Variants in DIAPH2 observed in about 807,000 individuals in gnomAD.
The protein encoded by DIAPH2 is protein diaphanous homolog 2.
In DIAPH2, 35 loss-of-function variants were observed where a neutral mutation model predicts 92.7. The ratio of observed to expected loss-of-function variants is 0.38; its 90% confidence interval spans 0.29 to 0.50. The LOEUF (loss-of-function observed/expected upper bound fraction) is 0.50, where lower values mean the gene tolerates loss of function less well. Among genes scored for constraint, DIAPH2 ranks in the 20% least tolerant of loss-of-function variants. The pLI is 0.94. For missense variants in DIAPH2, 701 were observed against 819.5 expected, an observed-to-expected ratio of 0.86 and a Z score of 1.77; for synonymous variants, 301 against 280.4, an observed-to-expected ratio of 1.07 and a Z score of -0.73.
At chrX:97,014,450 A>G (rs1459318878) in intron 17 of DIAPH2, among the ~76,000 whole-genome samples, 1 of 111,562 alleles carries the variant, frequency 9.0e-6, no homozygotes, top group Non-Finnish European at 1.9e-5. Flanking sequence ...CTTTGCCTCT[A>G]TTTCTCCTCA....
chrX:97,454,350 C>T (rs1487677211), intron 26 of DIAPH2, among the ~76,000 whole-genome samples: 1 of 110,464 alleles, frequency 9.1e-6, no homozygotes, highest in African/African-American at 3.3e-5. Context: ...AAACAAAAAG[C>T]AGAATACAGA....
intron 26 of DIAPH2, among the ~76,000 whole-genome samples, chrX:97,591,684 A>T: frequency 8.9e-6 from 1 of 112,202 alleles, no homozygotes; most frequent in Non-Finnish European, 1.9e-5. Flanking sequence ...TCACATATAT[A>T]ACTTCCTTGG....
chrX:96,965,099 C>A lies in DIAPH2; in HGVS notation c.1942C>A (p.Pro648Thr), dbSNP rs758656989. ...MKRINWSKIE[P>T]TELSENCFWL... ...TTTGTTATTTTTGTTTCAGATTGAA[C>A]CCACAGAATTATCTGAGAACTGTTT... Residue 648 changes from proline to threonine, a missense_variant, in exon 17 of 27, where the codon CCC (proline) becomes ACC (threonine). Pro to Thr is a conservative substitution (Grantham distance 38). This residue lies in a region of DIAPH2 where 536 missense variants were observed against 599.3 expected (regional missense o/e 0.89). Transcript: ENST00000324765. 10 of 1,191,701 alleles carry A rather than the reference C, an allele frequency of 8.4e-6. No homozygotes were observed. The highest frequency in any genetic ancestry group is 1.1e-5 in the Non-Finnish European group (10 of 885,076).
At chrX:97,592,088 A>G (rs751776872) in intron 26 of DIAPH2, among the ~76,000 whole-genome samples, 8 of 112,472 alleles carry the variant, frequency 7.1e-5, no homozygotes, top group Non-Finnish European at 1.1e-4. Flanking sequence ...TGTTATAAAA[A>G]TATCATGTTT....
intron 4 of DIAPH2, among the ~76,000 whole-genome samples, chrX:96,770,612 G>A (rs2064332618): frequency 9.0e-6 from 1 of 111,537 alleles, no homozygotes; most frequent in Non-Finnish European, 1.9e-5. Flanking sequence ...TTTTAAATGG[G>A]TTTAGAAATT....
At chrX:96,947,609 G>C (rs904848889) in intron 14 of DIAPH2, among the ~76,000 whole-genome samples, 4 of 111,269 alleles carry the variant, frequency 3.6e-5, no homozygotes, top group African/African-American at 1.3e-4. Flanking sequence ...TTATTATCCA[G>C]TTTGCTCACC....
chrX:96,815,727 C>G (rs1397971917), intron 4 of DIAPH2, among the ~76,000 whole-genome samples: 2 of 111,309 alleles, frequency 1.8e-5, no homozygotes, highest in East Asian at 5.7e-4. Flanking sequence ...TGCAGTGGCA[C>G]TATCTGGGTT....
At chrX:96,874,492 G>C (rs1187983670) in intron 4 of DIAPH2, among the ~76,000 whole-genome samples, 2 of 111,814 alleles carry the variant, frequency 1.8e-5, no homozygotes, top group Non-Finnish European at 3.8e-5. Context: ...TTTAAGTATA[G>C]AATAAACTAC....
At chrX:97,495,633 A>C (rs2147825424) in intron 26 of DIAPH2, among the ~76,000 whole-genome samples, 1 of 112,300 alleles carries the variant, frequency 8.9e-6, no homozygotes, top group East Asian at 2.8e-4. Context: ...AGTTTTATTA[A>C]TGAATATGAT....
intron 24 of DIAPH2, among the ~76,000 whole-genome samples, chrX:97,356,785 C>G (rs2069271601): frequency 9.1e-6 from 1 of 109,579 alleles, no homozygotes; most frequent in South Asian, 3.9e-4. Context: ...ACTCAAACTC[C>G]CTAACATGAT....
rs867241999 is a variant in DIAPH2, at chrX:97,553,126, A to G, written c.3242-46127A>G. ...AGCCCATAATACTGCATTTATCTTTATAATAAGGAAGAAGGATTTATATTA... is the reference window on the plus strand; with the variant it reads ...AGCCCATAATACTGCATTTATCTTTGTAATAAGGAAGAAGGATTTATATTA... On this transcript the variant is annotated intron_variant, in intron 26 of 26. Transcript: ENST00000324765. Among the ~76,000 whole-genome samples the G allele has an allele frequency of 5.3e-5, 6 of 112,392 alleles. No homozygotes were observed. The East Asian group carries it at 1.1e-3, about 21-fold the overall frequency.
intron 24 of DIAPH2, among the ~76,000 whole-genome samples, chrX:97,375,577 A>C (rs1462192465): frequency 8.9e-6 from 1 of 112,345 alleles, no homozygotes; most frequent in Non-Finnish European, 1.9e-5. Flanking sequence ...AAAAAGAAAA[A>C]ACTTTTTGGT....
chrX:96,922,366 C>T (rs1175144263), intron 9 of DIAPH2, among the ~76,000 whole-genome samples: 2 of 110,973 alleles, frequency 1.8e-5, no homozygotes, highest in Non-Finnish European at 3.8e-5. Flanking sequence ...TTTAATTTTC[C>T]TCAACACTTC....
At chrX:97,541,959 G>A (rs772856896) in intron 26 of DIAPH2, among the ~76,000 whole-genome samples, 198 of 112,091 alleles carry the variant, frequency 1.8e-3, no homozygotes, top group African/African-American at 6.1e-3. Flanking sequence ...AAAATTTTTG[G>A]GGGGTAAATT....
intron 23 of DIAPH2, among the ~76,000 whole-genome samples, chrX:97,278,800 T>G (rs1212869456): frequency 8.9e-6 from 1 of 112,370 alleles, no homozygotes; most frequent in Non-Finnish European, 1.9e-5. Context: ...TACACTGTTA[T>G]AAGAATCACA....
At chrX:96,978,184 A>G (rs1164057980) in intron 17 of DIAPH2, among the ~76,000 whole-genome samples, 1 of 111,631 alleles carries the variant, frequency 9.0e-6, no homozygotes, top group African/African-American at 3.3e-5. Flanking sequence ...TAATTTAGAG[A>G]GGTTCAAATC....
intron 20 of DIAPH2, among the ~76,000 whole-genome samples, chrX:97,104,575 C>T (rs896907061): frequency 9.1e-6 from 1 of 109,765 alleles, no homozygotes; most frequent in Non-Finnish European, 1.9e-5. Flanking sequence ...CACATGGAGT[C>T]CCACTGTTTT....
chrX:97,547,213 C>A (rs1223479738), intron 26 of DIAPH2, among the ~76,000 whole-genome samples: 2 of 111,352 alleles, frequency 1.8e-5, no homozygotes, highest in Non-Finnish European at 3.8e-5. Context: ...CCCACTCTTG[C>A]TAGGGATCAT....
chrX:96,871,427 G>A (rs969307594), intron 4 of DIAPH2, among the ~76,000 whole-genome samples: 4 of 85,137 alleles, frequency 4.7e-5, no homozygotes, highest in Non-Finnish European at 6.3e-5. Flanking sequence ...CCGAGATCGC[G>A]CCACCGTACT....
Sources: allele counts gnomAD v4.1 joint callset (sites outside exome capture counted in the v4.1 genomes callset), GRCh38; gene constraint gnomAD v4.1.1; regional missense constraint gnomAD v4.1.1; transcripts MANE v1.5; gene names NCBI Gene and HGNC (gene_info 2026-07-23, HGNC 2026-07-21).